SEC22A: variants seen among roughly 807,000 people sequenced by gnomAD.
The protein encoded by SEC22A is SEC22 homolog A, vesicle trafficking protein.
Under a neutral mutation model 35.3 loss-of-function variants are expected in SEC22A, and 22 were observed. That is an observed-to-expected ratio of 0.62 (90% CI 0.45 to 0.89). SEC22A has a LOEUF of 0.89. Ranked by LOEUF, SEC22A falls within the 40% of genes least tolerant of loss-of-function variation. The pLI, the probability that SEC22A is intolerant of heterozygous loss-of-function variation, is 0.00. For missense variants in SEC22A, 354 were observed against 362.5 expected, an observed-to-expected ratio of 0.98 and a Z score of 0.19; for synonymous variants, 119 against 129.5, an observed-to-expected ratio of 0.92 and a Z score of 0.55.
chr3:123,227,881 A>G (rs9852330), intron 4 of SEC22A, among the ~76,000 whole-genome samples: 29,659 of 150,756 alleles, frequency 0.2, 3,017 homozygotes, highest in Middle Eastern at 0.28. Flanking sequence ...TCCAGGAGGC[A>G]GAGGTTGCAA....
chr3:123,225,205 C>G lies in SEC22A; in HGVS notation c.449C>G (p.Pro150Arg), dbSNP rs1937199197. ...DMQTEIKLRP[P>R]YQISMCELGS... ...CAGACGGAAATCAAGCTGAGGCCTC[C>G]TTATCAAATTTCCATGTGCGAACTG... Residue 150 changes from proline to arginine, a missense_variant, in exon 4 of 7, where the codon CCT (proline) becomes CGT (arginine). Pro to Arg is a moderately radical substitution (Grantham distance 103). Coordinates refer to ENST00000492595, the MANE Select transcript of SEC22A (RefSeq NM_012430.5). 1 of 1,613,582 alleles carries G rather than the reference C, an allele frequency of 6.2e-7. No homozygotes were observed. The highest frequency in any genetic ancestry group is 1.3e-5 in the African/African-American group (1 of 75,028).
intron 2 of SEC22A, among the ~76,000 whole-genome samples, chr3:123,221,503 T>TG (rs1402470514): frequency 2.1e-5 from 3 of 145,198 alleles, no homozygotes; most frequent in Admixed American, 6.8e-5. Flanking sequence ...AAGATTACTG[T>TG]GTAGTTTAGC....
chr3:123,247,931 C>G (rs1056878719), intron 5 of SEC22A, among the ~76,000 whole-genome samples: 1 of 152,134 alleles, frequency 6.6e-6, no homozygotes, highest in African/African-American at 2.4e-5. Context: ...ATTAATCCAT[C>G]ACATCAACAG....
chr3:123,227,062 C>G (rs139451339), intron 4 of SEC22A, among the ~76,000 whole-genome samples: 2 of 152,102 alleles, frequency 1.3e-5, no homozygotes, highest in Non-Finnish European at 2.9e-5. Context: ...CTTTAGTGAT[C>G]GTCTGCTCAA....
chr3:123,272,742 G>T lies in SEC22A; in HGVS notation c.*1020G>T, dbSNP rs576799062. ...CAGAGGATAAAAGGAAACTGTAAAG[G>T]GAATGACATTCTCACTGTGATTCAG... On this transcript the variant is annotated 3_prime_UTR_variant, in exon 7 of 7. Transcript: ENST00000492595. The T allele has an allele frequency of 6.5e-6, 1 of 153,840 alleles. No individual in the cohort carries two copies. Among genetic ancestry groups the T allele is most frequent in the South Asian group, 2.1e-4 (1 of 4,822 alleles). 9.5% of individuals were successfully genotyped at this position (153,840 alleles called of 1,614,324 possible).
At chr3:123,270,494 C>T (rs763489946) in intron 6 of SEC22A, among the ~76,000 whole-genome samples, 9 of 152,164 alleles carry the variant, frequency 5.9e-5, no homozygotes, top group Non-Finnish European at 1.3e-4. Flanking sequence ...GGTTCCTATA[C>T]TTACCAGGTT....
chr3:123,245,832 T>C, intron 4 of SEC22A, 67 bp from the exon 5 acceptor site: 1 of 841,434 alleles, frequency 1.2e-6, no homozygotes, highest in South Asian at 1.5e-5. Flanking sequence ...AGTGAATTTC[T>C]GTTTTACCTA....
At chr3:123,216,997 A>G (rs1445848112) in intron 2 of SEC22A, among the ~76,000 whole-genome samples, 1 of 150,188 alleles carries the variant, frequency 6.7e-6, no homozygotes, top group African/African-American at 2.5e-5. Flanking sequence ...TGGCTAATTT[A>G]AAACAATTTT....
chr3:123,269,884 G>C (rs2108113738), intron 6 of SEC22A, among the ~76,000 whole-genome samples: 1 of 151,966 alleles, frequency 6.6e-6, no homozygotes, highest in Admixed American at 6.6e-5. Context: ...CGCCTGCCTG[G>C]GCCTCCCAAA....
intron 4 of SEC22A, among the ~76,000 whole-genome samples, chr3:123,243,397 G>A (rs769623067): frequency 9.2e-5 from 14 of 152,118 alleles, no homozygotes; most frequent in Non-Finnish European, 1.8e-4. Flanking sequence ...AGTAGTAGTT[G>A]TTGATGCTGT....
chr3:123,239,910 TGGGTGAGGCAGGGTAAGGAGG>T (rs1228031477), intron 4 of SEC22A, among the ~76,000 whole-genome samples: 1 of 152,156 alleles, frequency 6.6e-6, no homozygotes, highest in African/African-American at 2.4e-5. Flanking sequence ...TGGTAAGGAA[TGGGTGAGGCAGGGTAAGGAGG>T]TTTTAAGATT....
Position 123,223,569 on chromosome 3 carries a change from T to G in SEC22A, c.193T>G (p.Ser65Ala). ...TGHYNINFIS[S>A]LGVSYMMLCT... ...TTTTTTACACTGTAGTTTTATTAGC[T>G]CTCTGGGAGTGAGCTACATGATGTT... The change falls in exon 3 of 7, where the codon TCT becomes GCT. Residue 65 changes from serine to alanine, a missense_variant. Physicochemically the swap from Ser to Ala is moderately conservative, Grantham distance 99. Transcript: ENST00000492595. 1 of 1,611,344 alleles carries G rather than the reference T, an allele frequency of 6.2e-7. No homozygotes were observed.
At chr3:123,268,007 A>G (rs1162913817) in intron 6 of SEC22A, among the ~76,000 whole-genome samples, 1 of 152,182 alleles carries the variant, frequency 6.6e-6, no homozygotes, top group Admixed American at 6.5e-5. Flanking sequence ...CGTGTTCTCC[A>G]CTGATATCAC....
At chr3:123,254,523 TAACCTCTGCCCACCTTCC>T (rs1333032653) in intron 5 of SEC22A, among the ~76,000 whole-genome samples, 1 of 152,184 alleles carries the variant, frequency 6.6e-6, no homozygotes, top group Non-Finnish European at 1.5e-5. Context: ...TCCTTGTTCC[TAACCTCTGCCCACCTTCC>T]AACCTCTGGC....
chr3:123,220,544 T>C (rs7623469), intron 2 of SEC22A, among the ~76,000 whole-genome samples: 29,830 of 152,072 alleles, frequency 0.2, 3,037 homozygotes, highest in Middle Eastern at 0.28. Context: ...ACTTTGTGAA[T>C]GCTGTATATA....
At chr3:123,264,497 C>CT (rs1463287822) in intron 6 of SEC22A, among the ~76,000 whole-genome samples, 1 of 82,614 alleles carries the variant, frequency 1.2e-5, no homozygotes. Flanking sequence ...TTTAGCCACT[C>CT]TTTTAAGTGT....
intron 4 of SEC22A, among the ~76,000 whole-genome samples, chr3:123,232,127 C>T (rs1368786447): frequency 1.3e-5 from 2 of 152,116 alleles, no homozygotes; most frequent in African/African-American, 4.8e-5. Flanking sequence ...GTAATCCGAG[C>T]TGCTCAGGAG....
intron 6 of SEC22A, among the ~76,000 whole-genome samples, chr3:123,263,442 A>G (rs1291038821): frequency 2.0e-5 from 3 of 152,182 alleles, no homozygotes; most frequent in African/African-American, 7.2e-5. Flanking sequence ...TTACCTCCCA[A>G]AGGCCCCAGC....
intron 4 of SEC22A, among the ~76,000 whole-genome samples, chr3:123,239,402 C>T (rs928041805): frequency 6.6e-6 from 1 of 152,178 alleles, no homozygotes; most frequent in African/African-American, 2.4e-5. Flanking sequence ...CCCATTAACT[C>T]GTCATTTAGC....
Sources: allele counts gnomAD v4.1 joint callset (sites outside exome capture counted in the v4.1 genomes callset), GRCh38; gene constraint gnomAD v4.1.1; transcripts MANE v1.5; gene names NCBI Gene and HGNC (gene_info 2026-07-23, HGNC 2026-07-21).